ARIH2: variants seen among roughly 807,000 people sequenced by gnomAD.
The protein encoded by ARIH2 is E3 ubiquitin-protein ligase ARIH2.
A neutral mutation model predicts 79.8 loss-of-function variants in ARIH2; 12 were observed. The observed-to-expected ratio is 0.15, with a 90% confidence interval of 0.10 to 0.24. ARIH2 has a LOEUF of 0.24. Ranked by LOEUF, ARIH2 falls within the 10% of genes least tolerant of loss-of-function variation. The pLI is 1.00. For missense variants in ARIH2, 301 were observed against 618.3 expected (o/e 0.49, Z 5.44); for synonymous variants, 224 against 213.9 (o/e 1.05, Z -0.41).
At chr3:48,932,634 G>T (rs1042811436) in intron 3 of ARIH2, among the ~76,000 whole-genome samples, 3 of 152,214 alleles carry the variant, frequency 2.0e-5, no homozygotes, top group African/African-American at 7.2e-5. Context: ...CAGAGCCCCA[G>T]ACAAAGCCCA....
At chr3:48,942,591 G>A (rs1488583265) in intron 3 of ARIH2, among the ~76,000 whole-genome samples, 1 of 149,310 alleles carries the variant, frequency 6.7e-6, no homozygotes, top group Non-Finnish European at 1.5e-5. Flanking sequence ...TGATTCTCCT[G>A]CCTCAGTCTC....
At chr3:48,972,740 G>A (rs967404692) in intron 8 of ARIH2, among the ~76,000 whole-genome samples, 1 of 152,002 alleles carries the variant, frequency 6.6e-6, no homozygotes, top group Non-Finnish European at 1.5e-5. Context: ...AAAAAACAGG[G>A]TCTCTCTCAG....
intron 3 of ARIH2, among the ~76,000 whole-genome samples, chr3:48,959,208 A>G (rs1156684069): frequency 1.3e-5 from 2 of 149,826 alleles, no homozygotes; most frequent in Admixed American, 1.3e-4. Flanking sequence ...CCCAGCTACT[A>G]GGGAGGCGGA....
At chr3:48,964,895 T>C in intron 4 of ARIH2, 24 bp from the exon 5 acceptor site, 1 of 1,607,424 alleles carries the variant, frequency 6.2e-7, no homozygotes, top group Non-Finnish European at 8.5e-7. Flanking sequence ...CTGATTGCCT[T>C]CATTTCTGCT....
At chr3:48,968,948 A>G (rs2091987410) in intron 7 of ARIH2, among the ~76,000 whole-genome samples, 1 of 152,006 alleles carries the variant, frequency 6.6e-6, no homozygotes, top group Non-Finnish European at 1.5e-5. Context: ...CAGTGGCGCA[A>G]TCTTGGCTCA....
intron 12 of ARIH2, chr3:48,979,884 C>T (rs1200546483): frequency 2.6e-6 from 1 of 391,796 alleles, no homozygotes; most frequent in Non-Finnish European, 4.5e-6. Flanking sequence ...AATGAAGGGC[C>T]ATCAGACAGT....
chr3:48,959,098 C>G (rs1287004413), intron 3 of ARIH2, among the ~76,000 whole-genome samples: 3 of 151,828 alleles, frequency 2.0e-5, no homozygotes, highest in Admixed American at 6.6e-5. Flanking sequence ...GGGTGGATCA[C>G]GAGGTCAGGA....
At position 48,918,966 on chromosome 3, in the gene ARIH2, T is replaced by A; in HGVS notation, c.-194T>A. On this transcript the variant is annotated 5_prime_UTR_variant, in exon 1 of 16. Coordinates refer to ENST00000356401, the MANE Select transcript of ARIH2 (RefSeq NM_006321.4). Reference sequence around the variant, plus strand: ...CCCGGCCTGACCCGGTCTGGCTTGTTCGGGCTCAGCGGCCGCGAGGCCGCA... The same window carrying A: ...CCCGGCCTGACCCGGTCTGGCTTGTACGGGCTCAGCGGCCGCGAGGCCGCA... 1 of 1,495,894 alleles carries A rather than the reference T, an allele frequency of 6.7e-7. No homozygotes were observed. The highest frequency in any genetic ancestry group is 2.3e-5 in the East Asian group (1 of 42,554). The allele number at this position is 1,495,894 out of a possible 1,614,324, so 92.7% of individuals were successfully genotyped here.
intron 3 of ARIH2, among the ~76,000 whole-genome samples, chr3:48,939,169 TG>T (rs992587002): frequency 2.0e-5 from 3 of 152,060 alleles, no homozygotes; most frequent in Admixed American, 6.6e-5. Context: ...GGTTTCACCA[TG>T]TTGGCCAGGC....
chr3:48,960,774 GTCTT>G (rs973158657), intron 3 of ARIH2, among the ~76,000 whole-genome samples: 1 of 149,844 alleles, frequency 6.7e-6, no homozygotes, highest in African/African-American at 2.5e-5. Context: ...AAAAAAAAAA[GTCTT>G]TCTATGTTAA....
In ARIH2 at chr3:48,965,140, G is replaced by T. The variant is rs536071023; in HGVS notation, c.387+158G>T. Among the ~76,000 whole-genome samples the T allele has an allele frequency of 7.9e-5, 12 of 151,880 alleles. 1 individual carries two copies. In the South Asian group the frequency reaches 2.3e-3, roughly 29 times the overall value. On this transcript the variant is annotated intron_variant, in intron 5 of 15. Transcript: ENST00000356401. ...GAGGCTGAGGCGGGTGGATTACGAG[G>T]TCAGGAGATCGAGACCATCCTGGCT...
In ARIH2 at chr3:48,927,531, C is replaced by T. The variant is rs756550497; in HGVS notation, c.-28C>T. 63 of 1,607,248 alleles carry T rather than the reference C, an allele frequency of 3.9e-5. No individual in the cohort carries two copies. Among genetic ancestry groups the T allele is most frequent in the Non-Finnish European group, 5.0e-5 (59 of 1,177,146 alleles). On this transcript the variant is annotated 5_prime_UTR_variant, in exon 3 of 16. Coordinates refer to ENST00000356401, the MANE Select transcript of ARIH2 (RefSeq NM_006321.4). Reference sequence around the variant, plus strand: ...GGAGGGGGAAAAAGCAACTGCTTTCCTGATCTGCAACTTGGCTGGATGCTA... The same window carrying T: ...GGAGGGGGAAAAAGCAACTGCTTTCTTGATCTGCAACTTGGCTGGATGCTA...
intron 2 of ARIH2, among the ~76,000 whole-genome samples, chr3:48,925,940 G>A (rs768422252): frequency 2.0e-4 from 30 of 152,050 alleles, no homozygotes; most frequent in Admixed American, 4.6e-4. Flanking sequence ...GGATGCTCTT[G>A]ATCTCCTGAC....
intron 3 of ARIH2, among the ~76,000 whole-genome samples, chr3:48,960,855 A>T (rs528170606): frequency 1.3e-5 from 2 of 151,948 alleles, no homozygotes; most frequent in Non-Finnish European, 2.9e-5. Context: ...TATATTATTT[A>T]ACTCATTTTT....
At chr3:48,976,875 G>T (rs1669480447) in intron 11 of ARIH2, among the ~76,000 whole-genome samples, 1 of 151,790 alleles carries the variant, frequency 6.6e-6, no homozygotes, top group South Asian at 2.1e-4. Flanking sequence ...CTGAACTCCA[G>T]CCTGGGCGAT....
chr3:48,964,821 C>A, intron 4 of ARIH2, 98 bp from the exon 5 acceptor site: 2 of 924,136 alleles, frequency 2.2e-6, no homozygotes, highest in South Asian at 1.5e-5. Context: ...AAAGTAGAGA[C>A]AAAGATGCTC....
chr3:48,981,579 G>A (rs2092754051), intron 13 of ARIH2, 81 bp from the exon 14 acceptor site: 2 of 1,174,116 alleles, frequency 1.7e-6, no homozygotes, highest in African/African-American at 1.5e-5. Flanking sequence ...GCATGTTGAG[G>A]GTAGGAATTG....
rs765207106 is a variant in ARIH2 at position 48,980,528 on chromosome 3, T to C, written c.1257+32T>C. 7.5e-6 allele frequency: 12 copies of C among 1,609,144 alleles called. No individual in the cohort carries two copies. The South Asian group carries it at 1.2e-4, about 16-fold the overall frequency. On this transcript the variant is annotated intron_variant, in intron 13 of 15. Coordinates refer to ENST00000356401, the MANE Select transcript of ARIH2 (RefSeq NM_006321.4). ...ACCACTTCACTCATCTTATCCCTGG[T>C]CCAGTGCCTGGCTCCGTCAGGCACA...
intron 3 of ARIH2, among the ~76,000 whole-genome samples, chr3:48,935,686 A>G (rs1302869488): frequency 6.6e-6 from 1 of 152,200 alleles, no homozygotes; most frequent in African/African-American, 2.4e-5. Context: ...ACAACATTAA[A>G]TGTGATGATA....
Sources: gnomAD v4.1 joint callset for allele counts (sites outside exome capture counted in the v4.1 genomes callset) on GRCh38, gnomAD v4.1.1 for gene constraint, MANE v1.5 for transcripts, NCBI Gene and HGNC (gene_info 2026-07-23, HGNC 2026-07-21) for gene names.